Variants in SLC25A30 observed in about 807,000 individuals in gnomAD.
SLC25A30 encodes the protein solute carrier family 25 member 30, also known as kidney mitochondrial carrier protein 1.
In SLC25A30, 29 loss-of-function variants were observed where a neutral mutation model predicts 42.7. The observed-to-expected ratio is 0.68, with a 90% confidence interval of 0.51 to 0.93. The LOEUF is 0.93. Among genes scored for constraint, SLC25A30 ranks in the 40% least tolerant of loss-of-function variants. SLC25A30 has a pLI of 0.00. For synonymous variants in SLC25A30, 124 were observed against 131.0 expected, an observed-to-expected ratio of 0.95 and a Z score of 0.37; for missense variants, 300 against 359.7, an observed-to-expected ratio of 0.83 and a Z score of 1.34.
At chr13:45,397,898 T>A (rs943719995) in intron 8 of SLC25A30, 26 of 985,322 alleles carry the variant, frequency 2.6e-5, no homozygotes, top group Non-Finnish European at 2.9e-5. Flanking sequence ...GAGGAAAAAA[T>A]TAGATTTAAT....
chr13:45,427,892 C>T, the SLC25A30 span, among the ~76,000 whole-genome samples: 37 of 151,756 alleles, frequency 2.4e-4, no homozygotes, highest in Non-Finnish European at 5.0e-4. Flanking sequence ...TACAGGCATG[C>T]GTCACCACTC....
the SLC25A30 span, among the ~76,000 whole-genome samples, chr13:45,430,481 A>G: frequency 1.3e-5 from 2 of 152,204 alleles, no homozygotes; most frequent in African/African-American, 2.4e-5. Context: ...TGTTCTTTTC[A>G]TTGCAAAAGC....
the SLC25A30 span, among the ~76,000 whole-genome samples, chr13:45,424,147 A>G: frequency 2.1e-5 from 1 of 46,874 alleles, no homozygotes; most frequent in Non-Finnish European, 3.6e-5. Flanking sequence ...ATATAAATAT[A>G]AGTATATATA....
intron 2 of SLC25A30, 145 bp from the exon 3 acceptor site, chr13:45,409,219 AT>A: frequency 1.7e-6 from 1 of 602,626 alleles, no homozygotes; most frequent in Non-Finnish European, 2.5e-6. Context: ...TCTTGTTTAT[AT>A]TTTTAAAAAT....
At chr13:45,427,903 C>CT in the SLC25A30 span, among the ~76,000 whole-genome samples, 1 of 151,910 alleles carries the variant, frequency 6.6e-6, no homozygotes, top group Non-Finnish European at 1.5e-5. Context: ...GTCACCACTC[C>CT]GGATAATTTT....
chr13:45,400,866 T>G (rs894792861), intron 7 of SLC25A30, among the ~76,000 whole-genome samples: 1 of 152,170 alleles, frequency 6.6e-6, no homozygotes, highest in Non-Finnish European at 1.5e-5. Context: ...AAAGTTCATA[T>G]AATACACTTT....
intron 9 of SLC25A30, chr13:45,396,777 A>G (rs1217995013): frequency 6.2e-6 from 1 of 160,480 alleles, no homozygotes; most frequent in Non-Finnish European, 1.4e-5. Context: ...AGTCTCAAAA[A>G]CAAAAAAAAA....
chr13:45,415,189 T>A (rs1883412108), intron 1 of SLC25A30, among the ~76,000 whole-genome samples: 1 of 152,206 alleles, frequency 6.6e-6, no homozygotes, highest in African/African-American at 2.4e-5. Context: ...TTCACAGTCC[T>A]ATGAAAGAGG....
chr13:45,421,899 C>T (rs1004050603), upstream of SLC25A30, among the ~76,000 whole-genome samples: 3 of 152,158 alleles, frequency 2.0e-5, no homozygotes, highest in African/African-American at 7.2e-5. Flanking sequence ...ACTTGCCCCT[C>T]AATCCTACAT....
At chr13:45,406,591 A>G (rs1293511630) in intron 3 of SLC25A30, among the ~76,000 whole-genome samples, 1 of 152,130 alleles carries the variant, frequency 6.6e-6, no homozygotes, top group Non-Finnish European at 1.5e-5. Flanking sequence ...ACGTTGTGGC[A>G]TGGACACTCC....
intron 2 of SLC25A30, 134 bp downstream of exon 2, chr13:45,411,228 C>T (rs1882993540): frequency 1.3e-6 from 1 of 748,286 alleles, no homozygotes; most frequent in South Asian, 1.5e-5. Context: ...GCGTGAGCCA[C>T]CACACCCAGC....
chr13:45,423,751 T>TATATAAAC, the SLC25A30 span, among the ~76,000 whole-genome samples: 1 of 13,280 alleles, frequency 7.5e-5, no homozygotes, highest in Non-Finnish European at 1.3e-4. Context: ...AATATATAAA[T>TATATAAAC]ATATATAAAT....
chr13:45,416,375 C>T (rs1883533845), intron 1 of SLC25A30, among the ~76,000 whole-genome samples: 1 of 151,540 alleles, frequency 6.6e-6, no homozygotes, highest in Admixed American at 6.6e-5. Context: ...ACCACTGCAC[C>T]CCGGCCTGGG....
At chr13:45,433,081 T>C in the SLC25A30 span, among the ~76,000 whole-genome samples, 1 of 151,230 alleles carries the variant, frequency 6.6e-6, no homozygotes. Flanking sequence ...GAATTGCCTG[T>C]ATTATTTTTT....
chr13:45,410,826 T>A (rs1882949638), intron 2 of SLC25A30, among the ~76,000 whole-genome samples: 1 of 152,170 alleles, frequency 6.6e-6, no homozygotes, highest in South Asian at 2.1e-4. Flanking sequence ...CAAAAAATTT[T>A]AAAAAACTTG....
chr13:45,423,968 C>CATATAAATATATATAAAT, the SLC25A30 span, among the ~76,000 whole-genome samples: 16 of 77,636 alleles, frequency 2.1e-4, no homozygotes, highest in African/African-American at 7.4e-4. Flanking sequence ...TATATATAAA[C>CATATAAATATATATAAAT]ATATAACAAT....
intron 4 of SLC25A30, 99 bp downstream of exon 4, chr13:45,405,784 G>T: frequency 9.3e-7 from 1 of 1,073,226 alleles, no homozygotes; most frequent in Non-Finnish European, 1.4e-6. Context: ...CAGTAGGAAA[G>T]TCACAAATAA....
At chr13:45,423,669 A>AAATATATAAAAAAAATATATATAAAT in the SLC25A30 span, among the ~76,000 whole-genome samples, 2 of 24,322 alleles carry the variant, frequency 8.2e-5, no homozygotes, top group African/African-American at 4.2e-4. Flanking sequence ...ATATATATAA[A>AAATATATAAAAAAAATATATATAAAT]ATACATATTT....
the SLC25A30 span, among the ~76,000 whole-genome samples, chr13:45,428,187 T>A: frequency 6.6e-6 from 1 of 151,964 alleles, no homozygotes; most frequent in African/African-American, 2.4e-5. Context: ...CTCCAATTTG[T>A]TCATGTTCTT....
Sources: gnomAD v4.1 joint callset for allele counts (sites outside exome capture counted in the v4.1 genomes callset) on GRCh38, gnomAD v4.1.1 for gene constraint, MANE v1.5 for transcripts, NCBI Gene and HGNC (gene_info 2026-07-23, HGNC 2026-07-21) for gene names.